The following SOBP variants were observed in gnomAD, a reference collection of about 807,000 sequenced individuals.
The protein encoded by SOBP is sine oculis binding protein homolog.
A neutral mutation model predicts 53.6 loss-of-function variants in SOBP; 4 were observed. The ratio of observed to expected loss-of-function variants is 0.07; its 90% confidence interval spans 0.04 to 0.17. The LOEUF is 0.17. SOBP is among the 10% of genes least tolerant of loss of function. The pLI is 1.00. For missense variants in SOBP, 1,088 were observed against 1,204.7 expected, an observed-to-expected ratio of 0.90 and a Z score of 1.43; for synonymous variants, 584 against 522.6, an observed-to-expected ratio of 1.12 and a Z score of -1.60.
At chr6:107,628,537 T>C (rs1381583919) in intron 5 of SOBP, among the ~76,000 whole-genome samples, 2 of 152,168 alleles carry the variant, frequency 1.3e-5, no homozygotes, top group Non-Finnish European at 2.9e-5. Flanking sequence ...ATAAAACACA[T>C]GTAAAACATG....
intron 5 of SOBP, among the ~76,000 whole-genome samples, chr6:107,616,995 G>A (rs1015142900): frequency 9.9e-5 from 15 of 152,282 alleles, no homozygotes; most frequent in African/African-American, 3.6e-4. Context: ...GGGGCTCCCG[G>A]GCAGTTGCTG....
intron 6 of SOBP, among the ~76,000 whole-genome samples, chr6:107,656,140 C>A (rs2114257035): frequency 6.6e-6 from 1 of 152,258 alleles, no homozygotes; most frequent in South Asian, 2.1e-4. Flanking sequence ...AAGAATTGTT[C>A]CCAGAAGAAG....
chr6:107,613,196 C>T (rs1054798955), intron 5 of SOBP, among the ~76,000 whole-genome samples: 1 of 152,170 alleles, frequency 6.6e-6, no homozygotes, highest in Non-Finnish European at 1.5e-5. Flanking sequence ...AGGCTGTGTG[C>T]CCTACTGCAG....
intron 4 of SOBP, among the ~76,000 whole-genome samples, chr6:107,574,485 A>G (rs996852099): frequency 1.3e-5 from 2 of 152,154 alleles, no homozygotes; most frequent in African/African-American, 4.8e-5. Context: ...TGGGATCACT[A>G]AAGATCCCAT....
chr6:107,647,681 A>G (rs1771617829), intron 6 of SOBP, among the ~76,000 whole-genome samples: 1 of 151,710 alleles, frequency 6.6e-6, no homozygotes, highest in Non-Finnish European at 1.5e-5. Context: ...GCGAGTGCCC[A>G]AGGTCACAGG....
intron 3 of SOBP, among the ~76,000 whole-genome samples, chr6:107,526,432 C>T (rs1783666517): frequency 6.6e-6 from 1 of 152,146 alleles, no homozygotes; most frequent in Admixed American, 6.5e-5. Context: ...CTGCAGGATT[C>T]TTGCCCATTT....
In SOBP at chr6:107,544,836, A is replaced by G. The variant is rs117426630; in HGVS notation, c.573+11226A>G. Among the ~76,000 whole-genome samples, 831 of 152,242 alleles carry G rather than the reference A, an allele frequency of 5.5e-3. 29 individuals carry two copies. In the East Asian group the frequency reaches 0.088, roughly 16 times the overall value. ...ATTCATTCATTCATTCATTCATTCT[A>G]CCAATCCTTGGGGATTAGTTGCTTG... On this transcript the variant is annotated intron_variant, in intron 4 of 6. Transcript: ENST00000317357.
intron 1 of SOBP, among the ~76,000 whole-genome samples, chr6:107,496,183 A>C (rs1047199009): frequency 6.6e-6 from 1 of 152,224 alleles, no homozygotes; most frequent in African/African-American, 2.4e-5. Flanking sequence ...ACTTTGGCAC[A>C]GACAGGAAAA....
chr6:107,621,762 G>A (rs1302640798), intron 5 of SOBP, among the ~76,000 whole-genome samples: 2 of 152,074 alleles, frequency 1.3e-5, no homozygotes, highest in Non-Finnish European at 2.9e-5. Flanking sequence ...CTGAGCCTAG[G>A]GCTAAAACAT....
intron 4 of SOBP, among the ~76,000 whole-genome samples, chr6:107,551,467 T>C (rs1784456986): frequency 6.6e-6 from 1 of 152,232 alleles, no homozygotes; most frequent in Non-Finnish European, 1.5e-5. Context: ...GTCACTTTGA[T>C]GATGGCGTTT....
At chr6:107,562,886 G>A (rs1016287991) in intron 4 of SOBP, among the ~76,000 whole-genome samples, 8 of 152,214 alleles carry the variant, frequency 5.3e-5, no homozygotes, top group African/African-American at 1.9e-4. Flanking sequence ...GATAGATGAA[G>A]TAGGTAAGGT....
chr6:107,651,175 G>T (rs1430193890), intron 6 of SOBP, among the ~76,000 whole-genome samples: 1 of 152,208 alleles, frequency 6.6e-6, no homozygotes, highest in Non-Finnish European at 1.5e-5. Context: ...GCTGAGGTGG[G>T]AGGATCACCT....
At position 107,634,675 on chromosome 6, in the gene SOBP, A is replaced by C; in HGVS notation, c.1831A>C (p.Thr611Pro). 1 of 1,533,272 alleles carries C rather than the reference A, an allele frequency of 6.5e-7. No homozygotes were observed. Among genetic ancestry groups the C allele is most frequent in the Non-Finnish European group, 8.7e-7 (1 of 1,146,102 alleles). The allele number at this position is 1,533,272 out of a possible 1,614,324, so 95.0% of individuals were successfully genotyped here. ...GGGCCAGGCCCTGAGCCTGGCGCCC[A>C]CGCCCGCCGAGCATGGCCGGAGCGA... Reference protein sequence around the residue: ...CSGQALSLAPTPAEHGRSEVV... With the variant: ...CSGQALSLAPPPAEHGRSEVV... The change falls in exon 6 of 7, where the codon ACG becomes CCG. Residue 611 changes from threonine to proline, a missense_variant. Coordinates refer to ENST00000317357, the MANE Select transcript of SOBP (RefSeq NM_018013.4). The surrounding 1 kb of genome is among the most constrained non-coding windows in gnomAD (Gnocchi z 4.5).
chr6:107,646,848 G>A (rs1771581497), intron 6 of SOBP, among the ~76,000 whole-genome samples: 1 of 152,176 alleles, frequency 6.6e-6, no homozygotes, highest in Non-Finnish European at 1.5e-5. Flanking sequence ...GCCAGCTTGG[G>A]TTCGTATCCC....
intron 5 of SOBP, among the ~76,000 whole-genome samples, chr6:107,609,843 G>T (rs1280175107): frequency 6.6e-6 from 1 of 152,074 alleles, no homozygotes; most frequent in African/African-American, 2.4e-5. Flanking sequence ...CTGGGCAATG[G>T]GGTCACGATC....
intron 4 of SOBP, among the ~76,000 whole-genome samples, chr6:107,564,427 A>G (rs908046162): frequency 3.9e-5 from 6 of 152,248 alleles, no homozygotes; most frequent in Admixed American, 2.0e-4. Context: ...GGATAATTTT[A>G]TGACCAATAA....
intron 4 of SOBP, among the ~76,000 whole-genome samples, chr6:107,571,346 G>A (rs1044175509): frequency 1.2e-4 from 18 of 152,204 alleles, no homozygotes; most frequent in Non-Finnish European, 2.4e-4. Flanking sequence ...TTGTGTCCCT[G>A]TTGGAATCTC....
intron 6 of SOBP, among the ~76,000 whole-genome samples, chr6:107,636,865 G>T (rs766349590): frequency 6.6e-6 from 1 of 152,132 alleles, no homozygotes; most frequent in Non-Finnish European, 1.5e-5. Flanking sequence ...GACAATTATC[G>T]TCTTCATTTT....
chr6:107,539,250 A>G (rs991814728), intron 4 of SOBP, among the ~76,000 whole-genome samples: 1 of 152,256 alleles, frequency 6.6e-6, no homozygotes, highest in Non-Finnish European at 1.5e-5. Context: ...ATTAGCCAGA[A>G]TGGACATCAG....
Sources: gnomAD v4.1 joint callset for allele counts (sites outside exome capture counted in the v4.1 genomes callset) on GRCh38, gnomAD v4.1.1 for gene constraint, Gnocchi (gnomAD v3.1) non-coding constraint, MANE v1.5 for transcripts, NCBI Gene and HGNC (gene_info 2026-07-23, HGNC 2026-07-21) for gene names.